AGBL4: variants seen among roughly 807,000 people sequenced by gnomAD.
AGBL4 encodes the protein cytosolic carboxypeptidase 6.
A neutral mutation model predicts 66.4 loss-of-function variants in AGBL4; 58 were observed. The observed-to-expected ratio is 0.87, with a 90% confidence interval of 0.71 to 1.09. The LOEUF is 1.09. Among genes scored for constraint, AGBL4 ranks in the 50% least tolerant of loss-of-function variants. The pLI is 0.00. For missense variants in AGBL4, 579 were observed against 631.0 expected (o/e 0.92, Z 0.88); for synonymous variants, 234 against 222.9 (o/e 1.05, Z -0.44).
chr1:48,588,718 T>C (rs1037077766), intron 10 of AGBL4, among the ~76,000 whole-genome samples: 1 of 149,828 alleles, frequency 6.7e-6, no homozygotes, highest in African/African-American at 2.5e-5. Context: ...CAGAAAATCA[T>C]AGAATGTCAG....
intron 3 of AGBL4, among the ~76,000 whole-genome samples, chr1:49,551,344 T>G (rs1008933132): frequency 2.0e-5 from 3 of 152,198 alleles, no homozygotes; most frequent in Non-Finnish European, 4.4e-5. Context: ...TGAACTAGTA[T>G]GATTTTTTGA....
At chr1:49,286,591 A>C (rs1056607095) in intron 3 of AGBL4, among the ~76,000 whole-genome samples, 2 of 152,072 alleles carry the variant, frequency 1.3e-5, no homozygotes, top group Admixed American at 1.3e-4. Flanking sequence ...GAGCCAAATC[A>C]TGAGTGAACT....
Position 49,015,647 on chromosome 1 carries a change from A to G in AGBL4, c.594+29937T>C, listed in dbSNP as rs201828223. Among the ~76,000 whole-genome samples, 54 of 151,564 alleles carry G rather than the reference A, an allele frequency of 3.6e-4. 1 individual carries two copies. In the East Asian group the frequency reaches 0.01, roughly 29 times the overall value. On this transcript the variant is annotated intron_variant, in intron 5 of 13. Transcript: ENST00000371839. ...CACCATGTTAGCCAGGATGGTCTCG[A>G]TCTCCTGACCTCGTGATCCGCCCGC...
intron 4 of AGBL4, among the ~76,000 whole-genome samples, chr1:49,046,142 A>T (rs1557593884): frequency 6.6e-6 from 1 of 152,212 alleles, no homozygotes; most frequent in Non-Finnish European, 1.5e-5. Context: ...AAGACAAGGA[A>T]GATCTCTGTC....
At chr1:49,033,671 A>C (rs1352248695) in intron 5 of AGBL4, among the ~76,000 whole-genome samples, 1 of 152,078 alleles carries the variant, frequency 6.6e-6, no homozygotes, top group East Asian at 1.9e-4. Context: ...AGAATCTGCC[A>C]AACTCTGTAT....
At chr1:48,796,501 A>AT (rs2148736662) in intron 6 of AGBL4, among the ~76,000 whole-genome samples, 2 of 152,290 alleles carry the variant, frequency 1.3e-5, no homozygotes, top group East Asian at 3.9e-4. Context: ...CAGACAGTGT[A>AT]TTGAATTAGT....
intron 3 of AGBL4, among the ~76,000 whole-genome samples, chr1:49,528,231 A>G (rs1650820454): frequency 6.6e-6 from 1 of 152,108 alleles, no homozygotes; most frequent in South Asian, 2.1e-4. Flanking sequence ...AGAGAAAAAT[A>G]AAGGCTGAGA....
At chr1:49,008,910 C>T (rs1662112602) in intron 5 of AGBL4, among the ~76,000 whole-genome samples, 1 of 151,192 alleles carries the variant, frequency 6.6e-6, no homozygotes, top group Non-Finnish European at 1.5e-5. Context: ...CACTAAATGC[C>T]CACAAGAGAA....
intron 3 of AGBL4, among the ~76,000 whole-genome samples, chr1:49,505,468 T>G (rs1217651996): frequency 6.6e-6 from 1 of 152,076 alleles, no homozygotes; most frequent in Admixed American, 6.6e-5. Context: ...TATCTCTCTT[T>G]CATTTCTGAA....
chr1:49,063,491 C>T (rs1341171), intron 4 of AGBL4, among the ~76,000 whole-genome samples: 1 of 152,102 alleles, frequency 6.6e-6, no homozygotes, highest in South Asian at 2.1e-4. Flanking sequence ...AGAAGCAGAG[C>T]TTAAGAACTG....
intron 6 of AGBL4, among the ~76,000 whole-genome samples, chr1:48,813,149 C>T (rs896551008): frequency 2.0e-5 from 3 of 152,010 alleles, no homozygotes; most frequent in South Asian, 4.2e-4. Context: ...CTTTGAGAGA[C>T]GGAAGACAAG....
At chr1:48,531,086 G>C (rs1236433310), downstream of AGBL4, among the ~76,000 whole-genome samples, 1 of 152,168 alleles carries the variant, frequency 6.6e-6, no homozygotes, top group Non-Finnish European at 1.5e-5. Context: ...CACACAGAGG[G>C]CTGCTGACAA....
At chr1:49,979,849 C>T (rs1658914880) in intron 1 of AGBL4, among the ~76,000 whole-genome samples, 1 of 151,940 alleles carries the variant, frequency 6.6e-6, no homozygotes, top group South Asian at 2.1e-4. Flanking sequence ...AGTCATGACA[C>T]TACAAAAAAA....
At chr1:48,929,011 G>A (rs953950937) in intron 5 of AGBL4, among the ~76,000 whole-genome samples, 17 of 152,084 alleles carry the variant, frequency 1.1e-4, no homozygotes, top group African/African-American at 4.1e-4. Context: ...GGTTAGTTAT[G>A]CTACCTGCTA....
chr1:49,062,885 C>T (rs1253727634), intron 4 of AGBL4, among the ~76,000 whole-genome samples: 2 of 152,204 alleles, frequency 1.3e-5, no homozygotes, highest in Non-Finnish European at 2.9e-5. Flanking sequence ...TTCCTTTCTA[C>T]ACTATTGATC....
chr1:48,581,664 A>G (rs1644742322), intron 11 of AGBL4, among the ~76,000 whole-genome samples: 1 of 152,234 alleles, frequency 6.6e-6, no homozygotes. Context: ...TTATCATTTC[A>G]CAAAAACAAC....
intron 5 of AGBL4, among the ~76,000 whole-genome samples, chr1:48,984,614 A>T (rs544018950): frequency 6.6e-6 from 1 of 150,674 alleles, no homozygotes; most frequent in Non-Finnish European, 1.5e-5. Context: ...ATTAAAAAAA[A>T]CCCCAATACT....
intron 3 of AGBL4, among the ~76,000 whole-genome samples, chr1:49,287,063 T>C (rs1255304828): frequency 2.7e-5 from 4 of 147,900 alleles, no homozygotes; most frequent in East Asian, 2.0e-4. Context: ...ACGCCGCATA[T>C]CTACAACTAT....
At chr1:50,018,815 T>C (rs1160064738) in intron 1 of AGBL4, among the ~76,000 whole-genome samples, 1 of 152,128 alleles carries the variant, frequency 6.6e-6, no homozygotes, top group Non-Finnish European at 1.5e-5. Context: ...TTTTGAGATA[T>C]TAATATTATG....
Sources: gnomAD v4.1 joint callset for allele counts (sites outside exome capture counted in the v4.1 genomes callset) on GRCh38, gnomAD v4.1.1 for gene constraint, MANE v1.5 for transcripts, NCBI Gene and HGNC (gene_info 2026-07-23, HGNC 2026-07-21) for gene names.